Variants in PKHD1 observed in about 807,000 individuals in gnomAD.
PKHD1 encodes the protein fibrocystin.
In PKHD1, 291 loss-of-function variants were observed where a neutral mutation model predicts 412.0. The ratio of observed to expected loss-of-function variants is 0.71; its 90% CI spans 0.64 to 0.78. PKHD1 has a LOEUF of 0.78. PKHD1 is among the 30% of genes least tolerant of loss of function. The pLI, the probability that PKHD1 is intolerant of heterozygous loss-of-function variation, is 0.00. For synonymous variants in PKHD1, 1,777 were observed against 1,821.5 expected (o/e 0.98, Z 0.62); for missense variants, 4,825 against 4,950.7 (o/e 0.97, Z 0.76).
chr6:51,966,760 G>C (rs1316375015), intron 35 of PKHD1, among the ~76,000 whole-genome samples: 1 of 152,056 alleles, frequency 6.6e-6, no homozygotes, highest in African/African-American at 2.4e-5. Context: ...TATATTTTAG[G>C]GAGATAACAG....
intron 14 of PKHD1, 123 bp downstream of exon 14, chr6:52,062,396 T>C: frequency 2.0e-6 from 2 of 1,007,274 alleles, no homozygotes; most frequent in Non-Finnish European, 3.2e-6. Context: ...AACTCTGTTG[T>C]TGTTGAATTG....
intron 52 of PKHD1, among the ~76,000 whole-genome samples, chr6:51,823,160 C>G (rs761928571): frequency 6.6e-6 from 1 of 151,838 alleles, no homozygotes; most frequent in Non-Finnish European, 1.5e-5. Flanking sequence ...ACAGGAATAC[C>G]TGCTAGAATC....
chr6:51,811,928 ATTATGT>A (rs1336573221), intron 52 of PKHD1, among the ~76,000 whole-genome samples: 3 of 152,176 alleles, frequency 2.0e-5, no homozygotes, highest in African/African-American at 7.2e-5. Flanking sequence ...AAAATTATGT[ATTATGT>A]TTAAAATTTT....
chr6:51,706,943 T>C (rs1780084820), intron 60 of PKHD1, among the ~76,000 whole-genome samples: 1 of 152,208 alleles, frequency 6.6e-6, no homozygotes, highest in Non-Finnish European at 1.5e-5. Context: ...CCAAGCATTG[T>C]GTAAACTGGA....
chr6:51,938,905 C>T (rs1787969292), intron 36 of PKHD1, among the ~76,000 whole-genome samples: 1 of 151,614 alleles, frequency 6.6e-6, no homozygotes, highest in Admixed American at 6.6e-5. Flanking sequence ...ATCTTGGTGC[C>T]ACACTTCAAT....
At chr6:51,631,091 AAGTGAGGTTAGACCTTAGGG>A (rs1767868234) in intron 65 of PKHD1, among the ~76,000 whole-genome samples, 1 of 152,160 alleles carries the variant, frequency 6.6e-6, no homozygotes, top group Non-Finnish European at 1.5e-5. Flanking sequence ...TTAGGATTAA[AAGTGAGGTTAGACCTTAGGG>A]AGAGACCCCT....
intron 35 of PKHD1, among the ~76,000 whole-genome samples, chr6:51,981,664 G>C (rs565204589): frequency 1.0e-4 from 14 of 140,478 alleles, no homozygotes; most frequent in African/African-American, 3.2e-4. Context: ...ATCTCGGCTC[G>C]CTACAGCCTC....
intron 37 of PKHD1, among the ~76,000 whole-genome samples, chr6:51,928,146 A>G (rs1213315715): frequency 1.3e-5 from 2 of 152,310 alleles, no homozygotes; most frequent in East Asian, 1.9e-4. Flanking sequence ...AGAGTGAGGG[A>G]GCAGACCCTA....
At position 52,028,519 on chromosome 6, in the gene PKHD1, A is replaced by AT. The variant is rs5876250; in HGVS notation, c.3365-169dup. On this transcript the variant is annotated intron_variant, in intron 29 of 66. Transcript: ENST00000371117. ...ATTTTTCAAGAAACTTCTAACAACT[A>AT]TTTTTTTTTTTTTTTGAGACAGGTC... Among the ~76,000 whole-genome samples the AT allele has an allele frequency of 0.47, 67,982 of 143,860 alleles. 17,673 individuals carry two copies. The highest frequency in any genetic ancestry group is 0.59 in the Admixed American group (8,549 of 14,442). The allele number at this position is 143,860 out of a possible 152,430, so 94.4% of individuals were successfully genotyped here. A position where few individuals can be genotyped will look rare whatever the true frequency, so the allele number is the denominator to read the frequency against.
At chr6:51,675,592 T>C (rs1323753882) in intron 60 of PKHD1, among the ~76,000 whole-genome samples, 1 of 152,076 alleles carries the variant, frequency 6.6e-6, no homozygotes, top group East Asian at 1.9e-4. Context: ...TATTTCCTCA[T>C]GAAAATCCAG....
intron 47 of PKHD1, among the ~76,000 whole-genome samples, chr6:51,869,609 A>G (rs374455309): frequency 4.9e-4 from 75 of 152,292 alleles, no homozygotes; most frequent in African/African-American, 1.7e-3. Flanking sequence ...TCATAGGAGT[A>G]GTGTGATTTT....
At chr6:51,670,413 C>T (rs1182803462) in intron 60 of PKHD1, among the ~76,000 whole-genome samples, 1 of 151,634 alleles carries the variant, frequency 6.6e-6, no homozygotes, top group Non-Finnish European at 1.5e-5. Flanking sequence ...GATCTTCCTC[C>T]ATCCTTTTAT....
chr6:51,697,847 AT>A (rs1347395984), intron 60 of PKHD1, among the ~76,000 whole-genome samples: 2 of 152,240 alleles, frequency 1.3e-5, no homozygotes, highest in African/African-American at 4.8e-5. Context: ...GGCATTTGCA[AT>A]ATGGCTTGTC....
At chr6:51,781,094 C>T (rs891881647) in intron 53 of PKHD1, among the ~76,000 whole-genome samples, 4 of 152,150 alleles carry the variant, frequency 2.6e-5, no homozygotes, top group African/African-American at 9.6e-5. Context: ...TCATGCCCTG[C>T]AATAGCAATT....
intron 60 of PKHD1, among the ~76,000 whole-genome samples, chr6:51,728,647 A>C (rs1441219411): frequency 1.3e-5 from 2 of 152,220 alleles, no homozygotes; most frequent in Non-Finnish European, 2.9e-5. Context: ...AAAGAAACAC[A>C]ATCCTGCCAT....
intron 35 of PKHD1, among the ~76,000 whole-genome samples, chr6:52,008,185 A>C (rs1444463303): frequency 6.6e-6 from 1 of 152,192 alleles, no homozygotes; most frequent in Non-Finnish European, 1.5e-5. Context: ...TACTTCCCCC[A>C]CAATGACTAT....
intron 35 of PKHD1, among the ~76,000 whole-genome samples, chr6:52,000,264 T>A (rs995592479): frequency 1.3e-5 from 2 of 152,176 alleles, no homozygotes. Flanking sequence ...TTTGAACACT[T>A]CTGGTTCTTC....
intron 60 of PKHD1, among the ~76,000 whole-genome samples, chr6:51,701,386 C>T (rs1456648640): frequency 6.6e-6 from 1 of 152,084 alleles, no homozygotes. Context: ...TCACCAACTT[C>T]TAATGTTTGG....
intron 9 of PKHD1, 102 bp from the exon 10 acceptor site, chr6:52,070,547 C>G (rs575965043): frequency 2.2e-5 from 18 of 812,430 alleles, no homozygotes; most frequent in African/African-American, 2.0e-4. Context: ...CATCAAATTA[C>G]CACCCAAACC....
Sources: gnomAD v4.1 joint callset for allele counts (sites outside exome capture counted in the v4.1 genomes callset) on GRCh38, gnomAD v4.1.1 for gene constraint, MANE v1.5 for transcripts, NCBI Gene and HGNC (gene_info 2026-07-23, HGNC 2026-07-21) for gene names.